The following ARMH3 variants were observed in gnomAD, a reference collection of about 807,000 sequenced individuals.
ARMH3 encodes the protein armadillo like helical domain containing 3.
Under a neutral mutation model 99.1 loss-of-function variants are expected in ARMH3, and 60 were observed. The ratio of observed to expected loss-of-function variants is 0.61; its 90% CI spans 0.49 to 0.75. The LOEUF is 0.75. ARMH3 is among the 30% of genes least tolerant of loss of function. The pLI, the probability that ARMH3 is intolerant of heterozygous loss-of-function variation, is 0.00. For missense variants in ARMH3, 679 were observed against 843.1 expected (o/e 0.81, Z 2.41); for synonymous variants, 285 against 292.8 (o/e 0.97, Z 0.27).
At chr10:102,019,068 A>G (rs2066817580) in intron 8 of ARMH3, among the ~76,000 whole-genome samples, 1 of 150,654 alleles carries the variant, frequency 6.6e-6, no homozygotes, top group African/African-American at 2.4e-5. Context: ...TTTTTTTTTG[A>G]GATGGAATTT....
intron 2 of ARMH3, among the ~76,000 whole-genome samples, chr10:102,036,080 C>A (rs1234126514): frequency 1.3e-5 from 2 of 150,052 alleles, no homozygotes; most frequent in African/African-American, 4.9e-5. Context: ...GTGAGGAGCA[C>A]CTCCGCCCGG....
At chr10:102,021,495 G>A (rs188377668) in intron 8 of ARMH3, among the ~76,000 whole-genome samples, 105 of 151,486 alleles carry the variant, frequency 6.9e-4, no homozygotes, top group Admixed American at 6.9e-3. Context: ...CAATCCTCCT[G>A]CTTCAGCCTC....
At chr10:101,896,566 A>G (rs904419104) in intron 23 of ARMH3, among the ~76,000 whole-genome samples, 8 of 152,208 alleles carry the variant, frequency 5.3e-5, no homozygotes, top group African/African-American at 1.4e-4. Context: ...AAGTGGATGA[A>G]CTGTATCATA....
At chr10:101,940,084 A>G in intron 22 of ARMH3, 146 bp from the exon 23 acceptor site, 1 of 581,602 alleles carries the variant, frequency 1.7e-6, no homozygotes, top group Non-Finnish European at 3.0e-6. Context: ...CTCAGCTTAG[A>G]TAAAAATACA....
At chr10:101,958,005 TA>T (rs1461994101) in intron 20 of ARMH3, among the ~76,000 whole-genome samples, 1 of 152,222 alleles carries the variant, frequency 6.6e-6, no homozygotes, top group Non-Finnish European at 1.5e-5. Flanking sequence ...AATCTGACTA[TA>T]AAACTGACAT....
chr10:101,966,101 TC>T (rs1327737436), intron 20 of ARMH3, among the ~76,000 whole-genome samples: 19 of 149,980 alleles, frequency 1.3e-4, no homozygotes, highest in African/African-American at 3.9e-4. Flanking sequence ...CTTTTTCTTT[TC>T]TTTTTTTTTT....
intron 5 of ARMH3, among the ~76,000 whole-genome samples, chr10:102,027,940 A>C (rs527905253): frequency 6.6e-6 from 1 of 151,860 alleles, no homozygotes; most frequent in Non-Finnish European, 1.5e-5. Context: ...CAACACTGCA[A>C]ATCATATATC....
chr10:101,890,762 T>G (rs770713200), intron 23 of ARMH3, among the ~76,000 whole-genome samples: 1 of 152,190 alleles, frequency 6.6e-6, no homozygotes, highest in Non-Finnish European at 1.5e-5. Context: ...TGATATCATG[T>G]AGATACCATG....
intron 22 of ARMH3, among the ~76,000 whole-genome samples, chr10:101,951,652 A>G (rs1259109539): frequency 6.6e-6 from 1 of 152,060 alleles, no homozygotes; most frequent in East Asian, 1.9e-4. Context: ...AAATCACTTG[A>G]GGTTGGGAGT....
intron 23 of ARMH3, among the ~76,000 whole-genome samples, chr10:101,891,211 T>C (rs2067683077): frequency 6.6e-6 from 1 of 151,838 alleles, no homozygotes; most frequent in Non-Finnish European, 1.5e-5. Flanking sequence ...TTTTTTTTTT[T>C]TGAGACGGAG....
chr10:101,875,727 G>C (rs1164281972), intron 24 of ARMH3, among the ~76,000 whole-genome samples: 1 of 152,198 alleles, frequency 6.6e-6, no homozygotes, highest in Non-Finnish European at 1.5e-5. Flanking sequence ...TGATTAGTGA[G>C]AGGCCATCAG....
intron 1 of ARMH3, among the ~76,000 whole-genome samples, chr10:102,053,214 TAAAAAA>T (rs1191838493): frequency 2.4e-4 from 12 of 49,006 alleles, no homozygotes; most frequent in African/African-American, 8.7e-4. Flanking sequence ...CCTCAGAAGC[TAAAAAA>T]AAAAAAAAAA....
At chr10:101,860,930 T>C (rs1016298835) in intron 24 of ARMH3, among the ~76,000 whole-genome samples, 2 of 152,138 alleles carry the variant, frequency 1.3e-5, no homozygotes, top group Non-Finnish European at 2.9e-5. Context: ...TAAAGTCCAA[T>C]ATAATTTAAA....
intron 24 of ARMH3, among the ~76,000 whole-genome samples, chr10:101,879,243 C>T (rs1171837304): frequency 6.6e-6 from 1 of 152,170 alleles, no homozygotes; most frequent in East Asian, 1.9e-4. Flanking sequence ...CCTAGGTTCA[C>T]TCTATGGCTT....
At chr10:102,050,346 G>A (rs904114197) in intron 1 of ARMH3, among the ~76,000 whole-genome samples, 3 of 151,606 alleles carry the variant, frequency 2.0e-5, no homozygotes, top group Non-Finnish European at 4.4e-5. Context: ...CTACTCGGGA[G>A]GCTGAGGCAA....
intron 23 of ARMH3, among the ~76,000 whole-genome samples, chr10:101,932,629 A>G (rs1212829805): frequency 6.6e-6 from 1 of 152,258 alleles, no homozygotes; most frequent in Non-Finnish European, 1.5e-5. Context: ...GAACCTTGAG[A>G]ATATTATATT....
At chr10:101,952,655 A>T (rs1844844561) in intron 22 of ARMH3, 1 of 152,254 alleles carries the variant, frequency 6.6e-6, no homozygotes, top group Non-Finnish European at 1.5e-5. Context: ...GGAGAAGTTC[A>T]ATCTTTAACT....
intron 15 of ARMH3, 63 bp from the exon 16 acceptor site, chr10:101,995,418 C>T (rs1847010691): frequency 7.4e-7 from 1 of 1,356,974 alleles, no homozygotes; most frequent in Non-Finnish European, 1.0e-6. Context: ...TGTTTCAATA[C>T]AGAACAAGGA....
intron 23 of ARMH3, among the ~76,000 whole-genome samples, chr10:101,909,463 C>CTTTTTTTTTTT (rs61122631): frequency 1.4e-5 from 1 of 71,714 alleles, no homozygotes. Flanking sequence ...CAAGCTTCCT[C>CTTTTTTTTTTT]TTTTTTTTTT....
Sources: allele counts gnomAD v4.1 joint callset (sites outside exome capture counted in the v4.1 genomes callset), GRCh38; gene constraint gnomAD v4.1.1; transcripts MANE v1.5; gene names NCBI Gene and HGNC (gene_info 2026-07-23, HGNC 2026-07-21).